KDM2A: variants seen among roughly 807,000 people sequenced by gnomAD.
KDM2A encodes lysine-specific demethylase 2A.
A neutral mutation model predicts 137.3 loss-of-function variants in KDM2A; 3 were observed. The ratio of observed to expected loss-of-function variants is 0.02; its 90% CI spans 0.01 to 0.06. The LOEUF is 0.06. KDM2A is among the 10% of genes least tolerant of loss of function. KDM2A has a pLI of 1.00. For missense variants in KDM2A, 738 were observed against 1,510.6 expected, an observed-to-expected ratio of 0.49 and a Z score of 8.48; for synonymous variants, 512 against 541.5, an observed-to-expected ratio of 0.95 and a Z score of 0.76.
chr11:67,218,034 TTTTG>T (rs1858224449), intron 9 of KDM2A, 150 bp downstream of exon 9: 9 of 737,638 alleles, frequency 1.2e-5, no homozygotes, highest in East Asian at 5.5e-5. Context: ...GATGCTGAGG[TTTTG>T]TTTGTTTTGT....
In KDM2A at chr11:67,245,296, C is replaced by T; in HGVS notation, c.1671C>T (p.Ala557=). 6.2e-7 allele frequency: 1 copy of T among 1,614,046 alleles called. No homozygotes were observed. Among genetic ancestry groups the T allele is most frequent in the Non-Finnish European group, 8.5e-7 (1 of 1,179,904 alleles). The change falls in exon 14 of 21, where the codon GCC becomes GCT. Residue 557 remains alanine (A), a synonymous_variant. Coordinates refer to ENST00000529006, the MANE Select transcript of KDM2A (RefSeq NM_012308.3). This position sits in a 1 kb window ranked among gnomAD's most constrained non-coding sequence, Gnocchi z 4.1. Reference sequence around the variant, plus strand: ...TAACACCTGTGAGGCCAGCTGCTGCCTCCCCGATTGTGTCAGGAGCCAGAC... The same window carrying T: ...TAACACCTGTGAGGCCAGCTGCTGCTTCCCCGATTGTGTCAGGAGCCAGAC... ...PRLTPVRPAA[A]SPIVSGARRR...
At chr11:67,251,929 A>G (rs1004660240) in intron 17 of KDM2A, among the ~76,000 whole-genome samples, 1 of 152,194 alleles carries the variant, frequency 6.6e-6, no homozygotes, top group African/African-American at 2.4e-5. Flanking sequence ...TTTCAGGGCA[A>G]GGCACATCAG....
At chr11:67,120,141 G>C (rs1335210664) in intron 1 of KDM2A, 92 bp downstream of exon 1, 2 of 152,120 alleles carry the variant, frequency 1.3e-5, no homozygotes, top group African/African-American at 2.4e-5. Context: ...TTTTCCGATG[G>C]GTGAACCATT....
intron 12 of KDM2A, among the ~76,000 whole-genome samples, chr11:67,236,616 A>G (rs147412093): frequency 3.7e-4 from 57 of 152,346 alleles, no homozygotes; most frequent in Middle Eastern, 6.8e-3. Context: ...TTCTCTAAAC[A>G]TTTTGATAAG....
At position 67,216,829 on chromosome 11, in the gene KDM2A, A is replaced by G. The variant is rs1858174337; in HGVS notation, c.687+880A>G. Among the ~76,000 whole-genome samples, 4 of 152,164 alleles carry G rather than the reference A, an allele frequency of 2.6e-5. No homozygotes were observed. The South Asian group carries it at 8.3e-4, about 32-fold the overall frequency. Reference sequence around the variant, plus strand: ...CAGCTACTCGGGAGGCTGAGGCAGGAGAATCGCTTGAACCCACAAGGTGGA... The same window carrying G: ...CAGCTACTCGGGAGGCTGAGGCAGGGGAATCGCTTGAACCCACAAGGTGGA... On this transcript the variant is annotated intron_variant, in intron 8 of 20. Transcript: ENST00000529006.
chr11:67,205,048 T>G (rs990496166), intron 5 of KDM2A, among the ~76,000 whole-genome samples: 1 of 152,222 alleles, frequency 6.6e-6, no homozygotes, highest in Non-Finnish European at 1.5e-5. Context: ...CACATGGTCA[T>G]TCTGTGTTTA....
rs1039352541 is a variant in KDM2A, at chr11:67,250,604, G to A, written c.2574G>A (p.Glu858=). The A allele has an allele frequency of 2.9e-5, 46 of 1,612,710 alleles. No individual in the cohort carries two copies. The highest frequency in any genetic ancestry group is 3.8e-5 in the Non-Finnish European group (45 of 1,179,160). Residue 858 remains glutamate (E), a synonymous_variant, in exon 17 of 21, where the codon GAG becomes GAA. Coordinates refer to ENST00000529006, the MANE Select transcript of KDM2A (RefSeq NM_012308.3). This position sits in a 1 kb window ranked among gnomAD's most constrained non-coding sequence, Gnocchi z 7.1. Reference sequence around the variant, plus strand: ...AGGAGGGGCTGGGGGGAGAGGAGGAGGAAGAGGAGGAGGAGGAGGAGGAAG... The same window carrying A: ...AGGAGGGGCTGGGGGGAGAGGAGGAAGAAGAGGAGGAGGAGGAGGAGGAAG... ...GDEEGLGGEE[E]EEEEEEEEDD...
intron 5 of KDM2A, among the ~76,000 whole-genome samples, chr11:67,195,177 C>CA: frequency 6.6e-6 from 1 of 152,132 alleles, no homozygotes; most frequent in Non-Finnish European, 1.5e-5. Flanking sequence ...TAAATAGTCT[C>CA]AGTTTATCCA....
At chr11:67,242,947 A>G (rs971485608) in intron 12 of KDM2A, 62 bp from the exon 13 acceptor site, 8 of 1,281,458 alleles carry the variant, frequency 6.2e-6, no homozygotes, top group Non-Finnish European at 9.1e-6. Flanking sequence ...GATGCTGTTC[A>G]GGGTGGTTGG....
At chr11:67,204,869 T>C (rs1329032918) in intron 5 of KDM2A, among the ~76,000 whole-genome samples, 1 of 152,202 alleles carries the variant, frequency 6.6e-6, no homozygotes, top group Non-Finnish European at 1.5e-5. Flanking sequence ...GACTATTTCC[T>C]TGTATGGATC....
At chr11:67,228,365 C>G (rs966287885) in intron 11 of KDM2A, among the ~76,000 whole-genome samples, 11 of 152,140 alleles carry the variant, frequency 7.2e-5, no homozygotes, top group Non-Finnish European at 1.6e-4. Flanking sequence ...TGGATCTGAT[C>G]TTTGTCTGAG....
At chr11:67,201,240 A>G (rs894850617) in intron 5 of KDM2A, among the ~76,000 whole-genome samples, 1 of 105,840 alleles carries the variant, frequency 9.4e-6, no homozygotes, top group African/African-American at 3.0e-5. Context: ...GTGTGTATAT[A>G]TATATATTTC....
chr11:67,249,956 G>A, intron 16 of KDM2A, 130 bp from the exon 17 acceptor site: 1 of 658,238 alleles, frequency 1.5e-6, no homozygotes, highest in Non-Finnish European at 2.3e-6. Flanking sequence ...GACTCTGAGG[G>A]AATGACCCCC....
chr11:67,241,027 T>G (rs1859023862), intron 12 of KDM2A, among the ~76,000 whole-genome samples: 1 of 152,238 alleles, frequency 6.6e-6, no homozygotes, highest in Admixed American at 6.5e-5. Context: ...TAAGTTCCTT[T>G]TCTACTCTTG....
intron 5 of KDM2A, among the ~76,000 whole-genome samples, chr11:67,197,700 CTG>C (rs1176645688): frequency 6.6e-6 from 1 of 152,178 alleles, no homozygotes; most frequent in Non-Finnish European, 1.5e-5. Flanking sequence ...AATATGGACT[CTG>C]TAGCAAAACT....
At chr11:67,124,467 A>G (rs1855671206) in intron 2 of KDM2A, among the ~76,000 whole-genome samples, 2 of 151,276 alleles carry the variant, frequency 1.3e-5, no homozygotes, top group African/African-American at 2.4e-5. Context: ...GCCTGCCACC[A>G]TGCCCGGCTA....
intron 4 of KDM2A, 120 bp downstream of exon 4, chr11:67,181,518 G>A (rs750948728): frequency 4.6e-5 from 28 of 606,222 alleles, no homozygotes; most frequent in Non-Finnish European, 7.8e-5. Flanking sequence ...TTCCCACTTT[G>A]TTTTAAAAGT....
chr11:67,243,131 C>T (rs373632215), intron 13 of KDM2A, 39 bp downstream of exon 13: 11 of 1,474,142 alleles, frequency 7.5e-6, no homozygotes, highest in Non-Finnish European at 1.0e-5. Flanking sequence ...GCTGCTTAAG[C>T]CTTTTGTTAG....
chr11:67,144,631 A>G (rs1856201778), intron 2 of KDM2A, among the ~76,000 whole-genome samples: 1 of 151,512 alleles, frequency 6.6e-6, no homozygotes, highest in South Asian at 2.1e-4. Flanking sequence ...ACAGTGGAAC[A>G]GTAATAGCTC....
Sources: gnomAD v4.1 joint callset for allele counts (sites outside exome capture counted in the v4.1 genomes callset) on GRCh38, gnomAD v4.1.1 for gene constraint, Gnocchi (gnomAD v3.1) non-coding constraint, MANE v1.5 for transcripts, NCBI Gene and HGNC (gene_info 2026-07-23, HGNC 2026-07-21) for gene names.